ARHGEF28: variants seen among roughly 807,000 people sequenced by gnomAD.
ARHGEF28 encodes Rho guanine nucleotide exchange factor 28, also known as 190 kDa guanine nucleotide exchange factor.
ARHGEF28 carries 152 observed loss-of-function variants against 206.6 expected under a neutral mutation model. The ratio of observed to expected loss-of-function variants is 0.74; its 90% CI spans 0.64 to 0.84. The LOEUF (loss-of-function observed/expected upper bound fraction) is 0.84, where lower values mean the gene tolerates loss of function less well. Ranked by LOEUF, ARHGEF28 falls within the 40% of genes least tolerant of loss-of-function variation. The probability of loss-of-function intolerance (pLI) is 0.00; values close to 1 mark genes in which losing one functional copy is unlikely to be tolerated. For synonymous variants in ARHGEF28, 763 were observed against 776.4 expected, an observed-to-expected ratio of 0.98 and a Z score of 0.29; for missense variants, 2,028 against 2,073.2, an observed-to-expected ratio of 0.98 and a Z score of 0.42.
chr5:73,823,095 C>G (rs2112541877), intron 9 of ARHGEF28, among the ~76,000 whole-genome samples: 1 of 152,310 alleles, frequency 6.6e-6, no homozygotes, highest in Admixed American at 6.5e-5. Flanking sequence ...TGCTCTCTGT[C>G]AGGACCGTGT....
At position 73,676,076 on chromosome 5, in the gene ARHGEF28, T is replaced by C. The variant is rs1185826640; in HGVS notation, c.-11-8765T>C. Among the ~76,000 whole-genome samples, 10 of 144,918 alleles carry C rather than the reference T, an allele frequency of 6.9e-5. No homozygotes were observed. In the East Asian group the frequency reaches 2.0e-3, roughly 29 times the overall value. ...CACATTTGATTTTCTTTTCTTTTTT[T>C]TTTTTTTTTTTGAGACAGAGTTTTG... is the stretch of plus-strand genomic sequence containing the variant. On this transcript the variant is annotated intron_variant, in intron 1 of 35. Transcript: ENST00000513042.
chr5:73,921,880 T>C (rs1211143499), intron 35 of ARHGEF28, among the ~76,000 whole-genome samples: 1 of 152,234 alleles, frequency 6.6e-6, no homozygotes, highest in East Asian at 1.9e-4. Flanking sequence ...ACCTGCTTCC[T>C]ACCAGTGATC....
At chr5:73,825,816 A>G (rs1756874452) in intron 9 of ARHGEF28, among the ~76,000 whole-genome samples, 1 of 152,140 alleles carries the variant, frequency 6.6e-6, no homozygotes, top group African/African-American at 2.4e-5. Flanking sequence ...GTGGGAATCA[A>G]GAGTTCAGCT....
chr5:73,669,209 G>T (rs1456221826), intron 1 of ARHGEF28, among the ~76,000 whole-genome samples: 1 of 152,100 alleles, frequency 6.6e-6, no homozygotes, highest in Non-Finnish European at 1.5e-5. Flanking sequence ...CATGTCACAA[G>T]CTGTGAAATA....
At chr5:73,714,909 CGT>C (rs2112316414) in intron 2 of ARHGEF28, among the ~76,000 whole-genome samples, 1 of 152,004 alleles carries the variant, frequency 6.6e-6, no homozygotes, top group African/African-American at 2.4e-5. Flanking sequence ...TTCTCCCTAG[CGT>C]GTGAGTGTTG....
intron 2 of ARHGEF28, among the ~76,000 whole-genome samples, chr5:73,731,119 A>G (rs970603574): frequency 2.0e-5 from 3 of 152,152 alleles, no homozygotes; most frequent in African/African-American, 7.2e-5. Flanking sequence ...CTAATTTAGC[A>G]TGTGGGACTT....
intron 35 of ARHGEF28, among the ~76,000 whole-genome samples, chr5:73,925,932 ATTATGT>A (rs1185749879): frequency 6.6e-6 from 1 of 152,154 alleles, no homozygotes; most frequent in Non-Finnish European, 1.5e-5. Context: ...GATTTTGTGA[ATTATGT>A]TTATATTTCT....
intron 2 of ARHGEF28, among the ~76,000 whole-genome samples, chr5:73,738,222 G>A (rs189491019): frequency 6.6e-6 from 1 of 152,272 alleles, no homozygotes; most frequent in Admixed American, 6.5e-5. Flanking sequence ...GTAGCTTGGG[G>A]GAGTGGGAAA....
chr5:73,773,903 T>A lies in ARHGEF28; in HGVS notation c.524T>A (p.Leu175Gln). ...CTACACCTGGCTATGAGATGGGGCC[T>A]GGCTAAACTTTCCCAGTTCTTCTTG... The part of the protein sequence containing the change: ...SLLHLAMRWG[L>Q]AKLSQFFLCL... Residue 175 changes from leucine (L) to glutamine (Q), a missense_variant, in exon 5 of 36, where the codon CTG becomes CAG. Transcript: ENST00000513042. The A allele has an allele frequency of 1.2e-6, 2 of 1,609,088 alleles. No individual in the cohort carries two copies. The highest frequency in any genetic ancestry group is 1.7e-6 in the Non-Finnish European group (2 of 1,177,622).
chr5:73,911,416 C>A lies in ARHGEF28; in HGVS notation c.4789C>A (p.Gln1597Lys), dbSNP rs1209000294. The A allele has an allele frequency of 2.5e-6, 4 of 1,613,868 alleles. No homozygotes were observed. Residue 1597 changes from glutamine to lysine, a missense_variant, in exon 35 of 36, where the codon CAA (glutamine) becomes AAA (lysine). Around this residue, in one of 3 missense-constraint regions of ARHGEF28, gnomAD observed 803 missense variants for 768.0 expected, o/e 1.05. Transcript: ENST00000513042. ...TCAGGATGCCACTTACCCTACAACT[C>A]AATCTCATTCTGACTTGGTGAGGAC... ...IHQDATYPTT[Q>K]SHSDLVRTSE...
chr5:73,768,145 T>A (rs1342088277), intron 4 of ARHGEF28, among the ~76,000 whole-genome samples: 1 of 152,192 alleles, frequency 6.6e-6, no homozygotes, highest in Non-Finnish European at 1.5e-5. Context: ...AAAAGTTTGC[T>A]GCAGGGGTGG....
intron 1 of ARHGEF28, among the ~76,000 whole-genome samples, chr5:73,672,514 C>G (rs1051165227): frequency 6.6e-6 from 1 of 152,150 alleles, no homozygotes; most frequent in African/African-American, 2.4e-5. Context: ...AGTCAGCATT[C>G]TATATATTTT....
intron 2 of ARHGEF28, among the ~76,000 whole-genome samples, chr5:73,687,565 TGTC>T (rs1436837682): frequency 3.9e-5 from 6 of 152,074 alleles, no homozygotes; most frequent in Non-Finnish European, 7.4e-5. Flanking sequence ...AAATGGGTAA[TGTC>T]GTGCAGACAG....
chr5:73,821,185 G>A (rs1180777000), intron 9 of ARHGEF28, among the ~76,000 whole-genome samples: 1 of 152,056 alleles, frequency 6.6e-6, no homozygotes, highest in Non-Finnish European at 1.5e-5. Flanking sequence ...ATTAAGTAGG[G>A]CTTCTCAACC....
chr5:73,735,519 C>A (rs1448467201), intron 2 of ARHGEF28, among the ~76,000 whole-genome samples: 1 of 152,066 alleles, frequency 6.6e-6, no homozygotes, highest in Non-Finnish European at 1.5e-5. Flanking sequence ...TTGAGCCAGA[C>A]CCATGTTTTT....
At chr5:73,737,501 T>G (rs567123165) in intron 2 of ARHGEF28, among the ~76,000 whole-genome samples, 2 of 117,404 alleles carry the variant, frequency 1.7e-5, no homozygotes, top group South Asian at 5.2e-4. Flanking sequence ...TCTTTTCTTT[T>G]CTTTTCTTTT....
chr5:73,938,264 T>C lies in ARHGEF28; in HGVS notation c.4949-2580T>C, dbSNP rs671418. Among the ~76,000 whole-genome samples, 962 of 151,626 alleles carry C rather than the reference T, an allele frequency of 6.3e-3. 67 individuals carry two copies. In the East Asian group the frequency reaches 0.15, roughly 24 times the overall value. Reference sequence around the variant, plus strand: ...TCTTCTTGAAGTAGAGCATACAATGTAACTTAAAAAAGAGTTATTTCTGAT... The same window carrying C: ...TCTTCTTGAAGTAGAGCATACAATGCAACTTAAAAAAGAGTTATTTCTGAT... On this transcript the variant is annotated intron_variant, in intron 35 of 35. Transcript: ENST00000513042.
chr5:73,848,877 C>G, intron 12 of ARHGEF28, 99 bp from the exon 13 acceptor site: 1 of 821,444 alleles, frequency 1.2e-6, no homozygotes, highest in South Asian at 1.6e-5. Flanking sequence ...CAGGTTGAAT[C>G]TCTTTTCAAA....
Position 73,770,430 on chromosome 5 carries a change from G to A in ARHGEF28, c.476-3425G>A, listed in dbSNP as rs16870832. ...TCATGCTCTCATGATGTTATAGGTC[G>A]TACCTTTTAATGTTTGCCATTACAG... On this transcript the variant is annotated intron_variant, in intron 4 of 35. Transcript: ENST00000513042. Among the ~76,000 whole-genome samples, 425 of 152,204 alleles carry A rather than the reference G, an allele frequency of 2.8e-3. 6 individuals carry two copies. The highest frequency in any genetic ancestry group is 9.8e-3 in the African/African-American group (406 of 41,538).
Sources: allele counts gnomAD v4.1 joint callset (sites outside exome capture counted in the v4.1 genomes callset), GRCh38; gene constraint gnomAD v4.1.1; regional missense constraint gnomAD v4.1.1; transcripts MANE v1.5; gene names NCBI Gene and HGNC (gene_info 2026-07-23, HGNC 2026-07-21).